The following PCNX1 variants were observed in gnomAD, a reference collection of about 807,000 sequenced individuals.
PCNX1 encodes the protein pecanex-like protein 1.
PCNX1 carries 78 observed loss-of-function variants against 242.2 expected under a neutral mutation model. That is an observed-to-expected ratio of 0.32 (90% CI 0.27 to 0.39). PCNX1 has a LOEUF of 0.39. Ranked by LOEUF, PCNX1 falls within the 10% of genes least tolerant of loss-of-function variation. PCNX1 has a pLI of 1.00. For missense variants in PCNX1, 2,581 were observed against 2,856.5 expected, an observed-to-expected ratio of 0.90 and a Z score of 2.20; for synonymous variants, 1,024 against 1,032.9, an observed-to-expected ratio of 0.99 and a Z score of 0.17.
chr14:71,008,529 G>A (rs1023467697), intron 8 of PCNX1, among the ~76,000 whole-genome samples: 4 of 151,702 alleles, frequency 2.6e-5, no homozygotes, highest in African/African-American at 4.8e-5. Context: ...GGTGGCGGGC[G>A]CCTGTAGTCC....
At chr14:71,085,421 TACAAAC>T (rs1455591272) in intron 28 of PCNX1, 1 of 152,230 alleles carries the variant, frequency 6.6e-6, no homozygotes, top group African/African-American at 2.4e-5. Flanking sequence ...GCTTTATTAA[TACAAAC>T]ACAAACTATA....
At chr14:70,961,650 A>G (rs1464656731) in intron 2 of PCNX1, among the ~76,000 whole-genome samples, 1 of 152,168 alleles carries the variant, frequency 6.6e-6, no homozygotes, top group African/African-American at 2.4e-5. Context: ...ACATGTACAG[A>G]TCTAAAATCT....
chr14:70,984,945 G>A (rs1566659995), intron 6 of PCNX1, among the ~76,000 whole-genome samples: 1 of 152,160 alleles, frequency 6.6e-6, no homozygotes, highest in Non-Finnish European at 1.5e-5. Context: ...TTTAGAATGT[G>A]TAGAATTTTC....
chr14:70,985,959 G>C (rs1484248221), intron 6 of PCNX1, among the ~76,000 whole-genome samples: 2 of 131,660 alleles, frequency 1.5e-5, no homozygotes, highest in Non-Finnish European at 3.3e-5. Context: ...AATTCAAAAA[G>C]AGTTTATTAC....
rs527371428 is a variant in PCNX1, at chr14:71,031,931, G to A, written c.3559-1498G>A. 2.5e-5 allele frequency: 35 copies of A among 1,425,278 alleles called. No individual in the cohort carries two copies. The East Asian group carries it at 4.1e-4, about 17-fold the overall frequency. The allele number at this position is 1,425,278 out of a possible 1,614,324, so 88.3% of individuals were successfully genotyped here. A position where few individuals can be genotyped will look rare whatever the true frequency, so the allele number is the denominator to read the frequency against. On this transcript the variant is annotated intron_variant, in intron 16 of 35. Coordinates refer to ENST00000304743, the MANE Select transcript of PCNX1 (RefSeq NM_014982.3). ...GACAGAGCAAACTGGTACCACAGGC[G>A]GAACTCCCCAAAGGCAAACTTCATG... is the stretch of plus-strand genomic sequence containing the variant.
intron 4 of PCNX1, 43 bp from the exon 5 acceptor site, chr14:70,968,978 A>T: frequency 9.1e-7 from 1 of 1,099,190 alleles, no homozygotes; most frequent in Non-Finnish European, 1.4e-6. Flanking sequence ...CTACAGCCTT[A>T]CTGTTAATAT....
chr14:71,114,538 A>ACTT lies in PCNX1; in HGVS notation c.*4606_*4608dup, dbSNP rs1406278010. The ACTT allele has an allele frequency of 1.3e-5, 2 of 152,644 alleles. No homozygotes were observed. The highest frequency in any genetic ancestry group is 4.8e-5 in the African/African-American group (2 of 41,448). 9.5% of individuals were successfully genotyped at this position (152,644 alleles called of 1,614,324 possible). On this transcript the variant is annotated 3_prime_UTR_variant, in exon 36 of 36. Transcript: ENST00000304743. ...AACATACTTTTTCTGAATTAAGATA[A>ACTT]CTTCTATTTGTGAGTTGAACTTCAT...
chr14:71,009,751 T>G, intron 9 of PCNX1, 27 bp downstream of exon 9: 1 of 1,300,546 alleles, frequency 7.7e-7, no homozygotes, highest in Non-Finnish European at 1.1e-6. Context: ...ATTAGGAGTG[T>G]GTGTACTTTC....
At position 71,071,524 on chromosome 14, in the gene PCNX1, T is replaced by A. The variant is rs759819088; in HGVS notation, c.4853-2021T>A. Reference sequence around the variant, plus strand: ...CTCATGATAGTGAGTCCTCATGTGATCTGGTTGTTCAAAAGTGTATAGCGC... The same window carrying A: ...CTCATGATAGTGAGTCCTCATGTGAACTGGTTGTTCAAAAGTGTATAGCGC... On this transcript the variant is annotated intron_variant, in intron 26 of 35. Coordinates refer to ENST00000304743, the MANE Select transcript of PCNX1 (RefSeq NM_014982.3). Among the ~76,000 whole-genome samples, 17 of 152,080 alleles carry A rather than the reference T, an allele frequency of 1.1e-4. No homozygotes were observed. In the South Asian group the frequency reaches 1.2e-3, roughly 11 times the overall value.
chr14:71,035,890 A>G (rs777935534), intron 18 of PCNX1, among the ~76,000 whole-genome samples, 175 bp from the exon 19 acceptor site: 10 of 152,086 alleles, frequency 6.6e-5, no homozygotes, highest in Non-Finnish European at 1.3e-4. Context: ...TCTTAGAGAA[A>G]GAGAGACTCT....
chr14:70,967,756 C>G (rs1466422825), intron 3 of PCNX1, among the ~76,000 whole-genome samples: 1 of 152,162 alleles, frequency 6.6e-6, no homozygotes, highest in Non-Finnish European at 1.5e-5. Flanking sequence ...TTATGCTGCA[C>G]TTTGTAGTGT....
intron 26 of PCNX1, 41 bp from the exon 27 acceptor site, chr14:71,073,504 C>T: frequency 6.5e-7 from 1 of 1,548,184 alleles, no homozygotes; most frequent in Non-Finnish European, 8.8e-7. Context: ...TTCCCACTTT[C>T]TGGTTTTCCC....
intron 1 of PCNX1, among the ~76,000 whole-genome samples, chr14:70,943,553 G>A (rs1378169306): frequency 6.6e-6 from 1 of 152,176 alleles, no homozygotes; most frequent in Non-Finnish European, 1.5e-5. Flanking sequence ...TTCAAGAGGT[G>A]ACAGAGCATA....
At chr14:70,958,844 C>T (rs948722967) in intron 2 of PCNX1, among the ~76,000 whole-genome samples, 2 of 140,958 alleles carry the variant, frequency 1.4e-5, no homozygotes, top group South Asian at 4.9e-4. Flanking sequence ...CAACATTACC[C>T]AAAAACCTAT....
In PCNX1 at chr14:70,969,145, C is replaced by T. The variant is rs541693603; in HGVS notation, c.604+35C>T. 24 of 1,200,646 alleles carry T rather than the reference C, an allele frequency of 2.0e-5. No homozygotes were observed. In the South Asian group the frequency reaches 2.7e-4, roughly 13 times the overall value. The allele number at this position is 1,200,646 out of a possible 1,614,324, so 74.4% of individuals were successfully genotyped here. A position where few individuals can be genotyped will look rare whatever the true frequency, so the allele number is the denominator to read the frequency against. On this transcript the variant is annotated intron_variant, in intron 5 of 35. Transcript: ENST00000304743. ...TTATACTTTACCATGATGTCATATA[C>T]TGTGGTGACCAGAGTTAATTTGTAG...
chr14:71,015,388 G>A (rs2059934857), intron 11 of PCNX1, among the ~76,000 whole-genome samples: 2 of 152,186 alleles, frequency 1.3e-5, no homozygotes. Context: ...TTTATAACAT[G>A]TAAAAGTAAA....
At chr14:71,064,770 C>T (rs1232549099) in intron 26 of PCNX1, among the ~76,000 whole-genome samples, 21 of 152,154 alleles carry the variant, frequency 1.4e-4, no homozygotes, top group Admixed American at 1.3e-3. Flanking sequence ...CCTCCCCTGG[C>T]CCCCATCCCC....
At chr14:71,088,186 A>G in intron 28 of PCNX1, 144 bp from the exon 29 acceptor site, 2 of 440,740 alleles carry the variant, frequency 4.5e-6, no homozygotes, top group South Asian at 4.9e-5. Flanking sequence ...GCTTCATTTC[A>G]TACAGTTTTA....
chr14:70,928,596 T>C (rs751949649), intron 1 of PCNX1, among the ~76,000 whole-genome samples: 3 of 152,256 alleles, frequency 2.0e-5, no homozygotes, highest in Non-Finnish European at 4.4e-5. Context: ...TAGTTCTTAG[T>C]GTAGGGCACC....
Sources: gnomAD v4.1 joint callset for allele counts (sites outside exome capture counted in the v4.1 genomes callset) on GRCh38, gnomAD v4.1.1 for gene constraint, MANE v1.5 for transcripts, NCBI Gene and HGNC (gene_info 2026-07-23, HGNC 2026-07-21) for gene names.